The following THSD7B variants were observed in gnomAD, a reference collection of about 807,000 sequenced individuals.
THSD7B encodes the protein thrombospondin type 1 domain containing 7B.
In THSD7B, 138 loss-of-function variants were observed where a neutral mutation model predicts 213.6. The ratio of observed to expected loss-of-function variants is 0.65; its 90% CI spans 0.56 to 0.74. The LOEUF (loss-of-function observed/expected upper bound fraction) is 0.74. Among genes scored for constraint, THSD7B ranks in the 30% least tolerant of loss-of-function variants. The pLI, the probability that THSD7B is intolerant of heterozygous loss-of-function variation, is 0.00. For missense variants in THSD7B, 1,931 were observed against 1,991.5 expected, an observed-to-expected ratio of 0.97 and a Z score of 0.58; for synonymous variants, 742 against 687.0, an observed-to-expected ratio of 1.08 and a Z score of -1.25.
intron 2 of THSD7B, among the ~76,000 whole-genome samples, chr2:137,003,756 A>G (rs1272837570): frequency 6.6e-6 from 1 of 152,118 alleles, no homozygotes; most frequent in Non-Finnish European, 1.5e-5. Context: ...TTCAGTCATC[A>G]CAGCTAATCC....
chr2:136,803,308 T>C (rs1042688559), intron 1 of THSD7B, among the ~76,000 whole-genome samples: 1 of 152,144 alleles, frequency 6.6e-6, no homozygotes, highest in Non-Finnish European at 1.5e-5. Flanking sequence ...ACTATTGTGA[T>C]TGAATCTTAA....
At chr2:137,423,466 G>A (rs1012830147) in intron 14 of THSD7B, among the ~76,000 whole-genome samples, 7 of 151,950 alleles carry the variant, frequency 4.6e-5, no homozygotes, top group African/African-American at 9.7e-5. Flanking sequence ...ATCAATGGTC[G>A]CAAAGCAGTT....
At chr2:137,166,581 TA>T (rs1313634485) in intron 6 of THSD7B, among the ~76,000 whole-genome samples, 1 of 152,232 alleles carries the variant, frequency 6.6e-6, no homozygotes, top group African/African-American at 2.4e-5. Flanking sequence ...CCCAAGTCCT[TA>T]AAAATTCCCA....
chr2:136,768,813 A>G (rs1341852723), intron 1 of THSD7B, among the ~76,000 whole-genome samples: 2 of 152,230 alleles, frequency 1.3e-5, no homozygotes, highest in Admixed American at 6.5e-5. Context: ...GTTTCCCAGT[A>G]TATAACTATA....
intron 3 of THSD7B, among the ~76,000 whole-genome samples, chr2:137,079,605 C>T (rs560025688): frequency 1.3e-4 from 20 of 148,558 alleles, no homozygotes; most frequent in South Asian, 2.2e-4. Context: ...GAAACCACTA[C>T]GATATGTGTG....
At chr2:136,987,273 A>G (rs1384041758) in intron 2 of THSD7B, among the ~76,000 whole-genome samples, 1 of 152,212 alleles carries the variant, frequency 6.6e-6, no homozygotes, top group Non-Finnish European at 1.5e-5. Flanking sequence ...ACCCAATGAA[A>G]TACTGATATG....
chr2:137,270,349 G>A lies in THSD7B; in HGVS notation c.2267-2184G>A, dbSNP rs755774109. Among the ~76,000 whole-genome samples the A allele has an allele frequency of 2.8e-4, 42 of 152,246 alleles. 1 individual carries two copies. Among genetic ancestry groups the A allele is most frequent in the Admixed American group, 6.5e-4 (10 of 15,278 alleles). ...AAAGCAGGTTGAAGAAGAACAAAGAGGGAATCTAGGGGGAACAGATGGAAA... is the reference window on the plus strand; with the variant it reads ...AAAGCAGGTTGAAGAAGAACAAAGAAGGAATCTAGGGGGAACAGATGGAAA... On this transcript the variant is annotated intron_variant, in intron 10 of 27. Coordinates refer to ENST00000409968, the MANE Select transcript of THSD7B (RefSeq NM_001316349.2).
chr2:137,560,968 G>A (rs1681105027), intron 15 of THSD7B, among the ~76,000 whole-genome samples: 1 of 152,086 alleles, frequency 6.6e-6, no homozygotes, highest in Non-Finnish European at 1.5e-5. Flanking sequence ...AAGCAAGAGG[G>A]TAAGGATTTG....
At chr2:137,214,118 T>C (rs1319515763) in intron 7 of THSD7B, among the ~76,000 whole-genome samples, 1 of 152,154 alleles carries the variant, frequency 6.6e-6, no homozygotes, top group East Asian at 1.9e-4. Flanking sequence ...GCTTTGATTC[T>C]AGATAATAAC....
At chr2:136,872,762 G>T (rs1683454198) in intron 1 of THSD7B, among the ~76,000 whole-genome samples, 1 of 135,154 alleles carries the variant, frequency 7.4e-6, no homozygotes, top group Non-Finnish European at 1.5e-5. Flanking sequence ...TGAGGTCAGG[G>T]GTTCAAGATC....
At chr2:137,639,323 G>A (rs1682894219) in intron 20 of THSD7B, among the ~76,000 whole-genome samples, 1 of 152,200 alleles carries the variant, frequency 6.6e-6, no homozygotes, top group Non-Finnish European at 1.5e-5. Flanking sequence ...GCCTGAGGGT[G>A]CAAAGAAGTC....
intron 2 of THSD7B, among the ~76,000 whole-genome samples, chr2:137,015,310 CT>C (rs1686318477): frequency 6.6e-6 from 1 of 152,120 alleles, no homozygotes; most frequent in Non-Finnish European, 1.5e-5. Flanking sequence ...CTGAATTACT[CT>C]GATGGACTGC....
chr2:136,784,502 TAAAG>T (rs966863768), intron 1 of THSD7B, among the ~76,000 whole-genome samples: 1 of 152,218 alleles, frequency 6.6e-6, no homozygotes, highest in African/African-American at 2.4e-5. Context: ...TAAAATATGT[TAAAG>T]AAAATTTAAA....
At chr2:137,430,898 T>C (rs1687165846) in intron 14 of THSD7B, among the ~76,000 whole-genome samples, 1 of 152,144 alleles carries the variant, frequency 6.6e-6, no homozygotes, top group South Asian at 2.1e-4. Context: ...CTAGGGATGG[T>C]TGATGACATT....
intron 5 of THSD7B, among the ~76,000 whole-genome samples, chr2:137,139,109 C>T (rs368035786): frequency 2.0e-5 from 3 of 151,954 alleles, no homozygotes; most frequent in East Asian, 1.9e-4. Context: ...TTTCTCTTTC[C>T]TTTCATTGTA....
intron 20 of THSD7B, among the ~76,000 whole-genome samples, chr2:137,640,848 G>A (rs564305483): frequency 6.6e-6 from 1 of 152,266 alleles, no homozygotes; most frequent in Non-Finnish European, 1.5e-5. Flanking sequence ...CTTACTTAAT[G>A]TCTGTGAAGT....
At chr2:137,201,037 G>T (rs1311700529) in intron 7 of THSD7B, among the ~76,000 whole-genome samples, 1 of 152,130 alleles carries the variant, frequency 6.6e-6, no homozygotes, top group East Asian at 1.9e-4. Flanking sequence ...GTAGATGTAG[G>T]CTATTTTCAA....
Position 137,478,097 on chromosome 2 carries a change from A to C in THSD7B, c.3138+27074A>C, listed in dbSNP as rs560826942. On this transcript the variant is annotated intron_variant, in intron 15 of 27. Coordinates refer to ENST00000409968, the MANE Select transcript of THSD7B (RefSeq NM_001316349.2). ...ATCTTTTTAATTATATCTATTTGGC[A>C]TCTGTAAGCTTCCTCTATCTGGATG... Among the ~76,000 whole-genome samples, 3 of 152,244 alleles carry C rather than the reference A, an allele frequency of 2.0e-5. No homozygotes were observed. The East Asian group carries it at 5.8e-4, about 29-fold the overall frequency.
chr2:137,008,141 C>A (rs1686152068), intron 2 of THSD7B, among the ~76,000 whole-genome samples: 1 of 152,178 alleles, frequency 6.6e-6, no homozygotes, highest in East Asian at 1.9e-4. Flanking sequence ...TGGAATGGAT[C>A]AGAAAAATAC....
Sources: gnomAD v4.1 joint callset for allele counts (sites outside exome capture counted in the v4.1 genomes callset) on GRCh38, gnomAD v4.1.1 for gene constraint, MANE v1.5 for transcripts, NCBI Gene and HGNC (gene_info 2026-07-23, HGNC 2026-07-21) for gene names.